NKAIN3: variants seen among roughly 807,000 people sequenced by gnomAD.
NKAIN3 encodes sodium/potassium-transporting ATPase subunit beta-1-interacting protein 3.
Under a neutral mutation model 30.2 loss-of-function variants are expected in NKAIN3, and 25 were observed. The observed-to-expected ratio is 0.83, with a 90% CI of 0.60 to 1.16. The LOEUF is 1.16. Ranked by LOEUF, NKAIN3 falls within the 50% of genes most tolerant of loss-of-function variation. The pLI, the probability that NKAIN3 is intolerant of heterozygous loss-of-function variation, is 0.00. For synonymous variants in NKAIN3, 91 were observed against 89.6 expected (o/e 1.02, Z -0.09); for missense variants, 225 against 254.1 (o/e 0.89, Z 0.78).
At chr8:62,334,213 A>G (rs1172586613) in intron 1 of NKAIN3, among the ~76,000 whole-genome samples, 5 of 148,718 alleles carry the variant, frequency 3.4e-5, no homozygotes, top group Middle Eastern at 3.2e-3. Flanking sequence ...TCCACAAATC[A>G]AGTTGCTTAA....
At chr8:62,766,680 TG>T (rs1417973445) in intron 4 of NKAIN3, among the ~76,000 whole-genome samples, 1 of 152,166 alleles carries the variant, frequency 6.6e-6, no homozygotes, top group Non-Finnish European at 1.5e-5. Context: ...TTATCCACTA[TG>T]AGTGACAGGG....
intron 4 of NKAIN3, among the ~76,000 whole-genome samples, chr8:62,861,803 C>G (rs935840447): frequency 6.6e-6 from 1 of 152,156 alleles, no homozygotes; most frequent in Non-Finnish European, 1.5e-5. Context: ...AGAGGAGAAG[C>G]AAGGATGCAC....
At chr8:62,768,594 T>C (rs1218160741) in intron 4 of NKAIN3, among the ~76,000 whole-genome samples, 1 of 152,062 alleles carries the variant, frequency 6.6e-6, no homozygotes, top group African/African-American at 2.4e-5. Flanking sequence ...AATGTGGACT[T>C]TGGGATGAGA....
rs1824065422 is a variant in NKAIN3, at chr8:62,981,143, A to G, written c.*15736A>G. On this transcript the variant is annotated 3_prime_UTR_variant, in exon 7 of 7. Transcript: ENST00000623646. ...CATTTTATTCTTTCCTCATTTGTTC[A>G]GTGCTCATGGCCATCTACAACCTTC... The G allele has an allele frequency of 6.6e-6, 1 of 152,194 alleles. No homozygotes were observed. Among genetic ancestry groups the G allele is most frequent in the African/African-American group, 2.4e-5 (1 of 41,452 alleles). 9.4% of individuals were successfully genotyped at this position (152,194 alleles called of 1,614,324 possible). A position where few individuals can be genotyped will look rare whatever the true frequency, so the allele number is the denominator to read the frequency against.
Position 62,972,543 on chromosome 8 carries a change from C to T in NKAIN3, c.*7136C>T, listed in dbSNP as rs560614425. On this transcript the variant is annotated 3_prime_UTR_variant, in exon 7 of 7. Coordinates refer to ENST00000623646, the MANE Select transcript of NKAIN3 (RefSeq NM_001304533.3). ...TTGTCTCTCTCTGAATCAAGTTCGT[C>T]GTCTATTTACGTGCTTCTCAGTTGA... 2.0e-5 allele frequency among the ~76,000 whole-genome samples: 3 copies of T among 152,176 alleles called. No individual in the cohort carries two copies. The highest frequency in any genetic ancestry group is 2.9e-5 in the Non-Finnish European group (2 of 68,012).
intron 3 of NKAIN3, among the ~76,000 whole-genome samples, chr8:62,684,490 C>A (rs995624957): frequency 1.3e-5 from 2 of 152,022 alleles, no homozygotes; most frequent in East Asian, 1.9e-4. Flanking sequence ...AATATTGGGA[C>A]GAGAAGGATG....
chr8:62,714,209 G>C (rs1814817365), intron 3 of NKAIN3, among the ~76,000 whole-genome samples: 1 of 151,852 alleles, frequency 6.6e-6, no homozygotes, highest in African/African-American at 2.4e-5. Context: ...ATTCAGATAG[G>C]TTTATTGAAG....
At chr8:62,348,607 A>G (rs1816084289) in intron 1 of NKAIN3, among the ~76,000 whole-genome samples, 1 of 152,156 alleles carries the variant, frequency 6.6e-6, no homozygotes, top group African/African-American at 2.4e-5. Context: ...GGGACTATCT[A>G]GCTGCTATTA....
intron 4 of NKAIN3, among the ~76,000 whole-genome samples, chr8:62,833,903 G>T (rs1246550621): frequency 1.3e-5 from 2 of 151,948 alleles, no homozygotes; most frequent in African/African-American, 4.8e-5. Context: ...TATTACTGAA[G>T]AACATAGACA....
chr8:62,723,481 C>T (rs1815159924), intron 3 of NKAIN3, among the ~76,000 whole-genome samples: 1 of 152,062 alleles, frequency 6.6e-6, no homozygotes, highest in South Asian at 2.1e-4. Context: ...AAAGGGAAAA[C>T]ATCGTAATCA....
chr8:62,747,268 C>A, intron 4 of NKAIN3, 139 bp downstream of exon 4: 1 of 581,126 alleles, frequency 1.7e-6, no homozygotes, highest in Admixed American at 2.9e-5. Context: ...TATGGTACCA[C>A]TAGTTATACC....
chr8:62,322,361 G>C lies in NKAIN3; in HGVS notation c.54+73234G>C, dbSNP rs200716713. Among the ~76,000 whole-genome samples the C allele has an allele frequency of 2.5e-4, 38 of 152,230 alleles. No individual in the cohort carries two copies. In the East Asian group the frequency reaches 6.0e-3, roughly 24 times the overall value. ...TGCACCCACTTTCCAACACTCCCCA[G>C]TGAGATGAACCCAGTACCTCAGTTG... On this transcript the variant is annotated intron_variant, in intron 1 of 6. Coordinates refer to ENST00000623646, the MANE Select transcript of NKAIN3 (RefSeq NM_001304533.3).
intron 1 of NKAIN3, among the ~76,000 whole-genome samples, chr8:62,466,158 A>G (rs1056101546): frequency 6.6e-6 from 1 of 152,174 alleles, no homozygotes; most frequent in African/African-American, 2.4e-5. Flanking sequence ...ACCTTAACGA[A>G]AGTTCAAGTT....
intron 4 of NKAIN3, among the ~76,000 whole-genome samples, chr8:62,909,960 A>C (rs1394747892): frequency 1.3e-5 from 2 of 152,158 alleles, no homozygotes; most frequent in East Asian, 3.8e-4. Flanking sequence ...AAGGTCCATT[A>C]GTGAATAGTT....
intron 1 of NKAIN3, among the ~76,000 whole-genome samples, chr8:62,578,782 A>G (rs192425696): frequency 6.6e-6 from 1 of 152,202 alleles, no homozygotes; most frequent in Admixed American, 6.6e-5. Context: ...AAATAAGCCA[A>G]TCACAGAAAG....
chr8:62,766,701 C>T (rs1490739871), intron 4 of NKAIN3, among the ~76,000 whole-genome samples: 1 of 152,150 alleles, frequency 6.6e-6, no homozygotes, highest in Non-Finnish European at 1.5e-5. Flanking sequence ...GCTCAATTCC[C>T]TGGAGATTTT....
chr8:62,837,278 G>C (rs1219906497), intron 4 of NKAIN3, among the ~76,000 whole-genome samples: 2 of 152,100 alleles, frequency 1.3e-5, no homozygotes, highest in Non-Finnish European at 2.9e-5. Context: ...CTCCATTTCA[G>C]TTAAAGCATT....
chr8:62,988,002 A>T (rs1188202770), downstream of NKAIN3, among the ~76,000 whole-genome samples: 1 of 152,162 alleles, frequency 6.6e-6, no homozygotes, highest in Non-Finnish European at 1.5e-5. Flanking sequence ...ATTGGCAAAA[A>T]CCAAAGGGCT....
intron 4 of NKAIN3, among the ~76,000 whole-genome samples, chr8:62,764,914 T>G (rs1462734446): frequency 6.6e-6 from 1 of 152,016 alleles, no homozygotes; most frequent in Non-Finnish European, 1.5e-5. Flanking sequence ...AGGTGGGGCT[T>G]TGGAAGATTA....
Sources: gnomAD v4.1 joint callset for allele counts (sites outside exome capture counted in the v4.1 genomes callset) on GRCh38, gnomAD v4.1.1 for gene constraint, MANE v1.5 for transcripts, NCBI Gene and HGNC (gene_info 2026-07-23, HGNC 2026-07-21) for gene names.